Variants in RGS8 observed in about 807,000 individuals in gnomAD.
RGS8 encodes the protein regulator of G-protein signaling 8.
In RGS8, 8 loss-of-function variants were observed where a neutral mutation model predicts 21.7. That is an observed-to-expected ratio of 0.37 (90% confidence interval 0.22 to 0.66). RGS8 has a LOEUF of 0.66. RGS8 is among the 30% of genes least tolerant of loss of function. The pLI, the probability that RGS8 is intolerant of heterozygous loss-of-function variation, is 0.59. For missense variants in RGS8, 157 were observed against 217.9 expected (o/e 0.72, Z 1.76); for synonymous variants, 80 against 83.6 (o/e 0.96, Z 0.24).
chr1:182,691,607 T>TA, the RGS8 span, among the ~76,000 whole-genome samples: 1,027 of 27,292 alleles, frequency 0.038, 68 homozygotes, highest in South Asian at 0.047. Context: ...CCCTTCATGT[T>TA]AAAAAAAAAA....
intron 5 of RGS8, among the ~76,000 whole-genome samples, chr1:182,649,502 TTA>T (rs142393492): frequency 0.041 from 6,185 of 152,318 alleles, 207 homozygotes; most frequent in East Asian, 0.13. Flanking sequence ...GCCTATCAAA[TTA>T]TGTTTTAATT....
intron 3 of RGS8, among the ~76,000 whole-genome samples, chr1:182,667,486 C>T (rs182572578): frequency 1.3e-5 from 2 of 152,316 alleles, no homozygotes; most frequent in African/African-American, 4.8e-5. Flanking sequence ...AACTCAAGTT[C>T]TCCCCACTCA....
chr1:182,681,485 C>T (rs1664532943), intron 1 of RGS8, among the ~76,000 whole-genome samples: 1 of 152,216 alleles, frequency 6.6e-6, no homozygotes, highest in Non-Finnish European at 1.5e-5. Context: ...CATGTCCTCA[C>T]TCCTAGCTCC....
chr1:182,705,560 C>G, the RGS8 span, among the ~76,000 whole-genome samples: 3 of 135,542 alleles, frequency 2.2e-5, no homozygotes, highest in African/African-American at 5.7e-5. Context: ...TTATCTAGAA[C>G]ATGCAGCATT....
chr1:182,651,274 T>G (rs1663000360), intron 5 of RGS8, among the ~76,000 whole-genome samples: 1 of 152,228 alleles, frequency 6.6e-6, no homozygotes, highest in Non-Finnish European at 1.5e-5. Flanking sequence ...AAACCCATCA[T>G]AGATTGAAAA....
At chr1:182,722,360 T>C in the RGS8 span, among the ~76,000 whole-genome samples, 1 of 41,078 alleles carries the variant, frequency 2.4e-5, no homozygotes, top group Admixed American at 3.1e-4. Context: ...CATAGCAAAT[T>C]ACCAAAAAAA....
At chr1:182,671,820 A>G in intron 1 of RGS8, 90 bp from the exon 3 acceptor site, 2 of 1,603,682 alleles carry the variant, frequency 1.2e-6, no homozygotes, top group Non-Finnish European at 1.7e-6. Flanking sequence ...ACACACACAC[A>G]TATACACACA....
the RGS8 span, among the ~76,000 whole-genome samples, chr1:182,727,066 G>C: frequency 7.2e-5 from 11 of 152,132 alleles, no homozygotes; most frequent in Non-Finnish European, 1.6e-4. Flanking sequence ...AGTAACTGAT[G>C]ATAAGAACTT....
At chr1:182,661,153 C>T (rs1386695321) in intron 5 of RGS8, among the ~76,000 whole-genome samples, 7 of 151,544 alleles carry the variant, frequency 4.6e-5, no homozygotes, top group African/African-American at 1.7e-4. Context: ...TTTTATATCT[C>T]AACCATTATC....
chr1:182,669,859 C>T (rs1224536532), intron 2 of RGS8, 107 bp from the exon 4 acceptor site: 2 of 1,220,064 alleles, frequency 1.6e-6, no homozygotes, highest in Non-Finnish European at 2.2e-6. Flanking sequence ...CCACACACAT[C>T]CCCCCAGCCC....
chr1:182,742,708 C>G, the RGS8 span, among the ~76,000 whole-genome samples: 1 of 151,844 alleles, frequency 6.6e-6, no homozygotes, highest in African/African-American at 2.4e-5. Flanking sequence ...AGCTTTGGCT[C>G]GGCATCAGAG....
chr1:182,702,022 T>A, the RGS8 span, among the ~76,000 whole-genome samples: 1 of 152,110 alleles, frequency 6.6e-6, no homozygotes, highest in Non-Finnish European at 1.5e-5. Context: ...TGGAAAGCAG[T>A]TTGGAGGTTT....
the RGS8 span, among the ~76,000 whole-genome samples, chr1:182,741,525 G>C: frequency 7.6e-6 from 1 of 131,700 alleles, no homozygotes; most frequent in Admixed American, 7.1e-5. Context: ...CCTCCCGGAC[G>C]GGGCGGCTGG....
At chr1:182,649,513 T>A (rs1662892528) in intron 5 of RGS8, among the ~76,000 whole-genome samples, 1 of 152,238 alleles carries the variant, frequency 6.6e-6, no homozygotes, top group African/African-American at 2.4e-5. Context: ...TATGTTTTAA[T>A]TAAGATTGAT....
chr1:182,722,363 CAAAA>C, the RGS8 span, among the ~76,000 whole-genome samples: 4 of 79,406 alleles, frequency 5.0e-5, no homozygotes, highest in African/African-American at 2.0e-4. Context: ...AGCAAATTAC[CAAAA>C]AAAAAAAAAA....
chr1:182,660,839 A>T (rs1410535682), intron 5 of RGS8, among the ~76,000 whole-genome samples: 2 of 151,802 alleles, frequency 1.3e-5, no homozygotes, highest in Non-Finnish European at 2.9e-5. Flanking sequence ...AGGGATCCTG[A>T]TTCAGTAGGT....
At chr1:182,740,600 A>T in the RGS8 span, among the ~76,000 whole-genome samples, 1 of 103,830 alleles carries the variant, frequency 9.6e-6, no homozygotes, top group African/African-American at 4.1e-5. Context: ...TGTTTCTCGC[A>T]GAGGGGGATT....
chr1:182,653,595 G>A (rs533677422), intron 5 of RGS8, among the ~76,000 whole-genome samples: 1 of 152,300 alleles, frequency 6.6e-6, no homozygotes, highest in African/African-American at 2.4e-5. Context: ...TCAGGAGGCT[G>A]AGGCAGGAGA....
At chr1:182,741,371 A>C in the RGS8 span, among the ~76,000 whole-genome samples, 16 of 69,262 alleles carry the variant, frequency 2.3e-4, no homozygotes, top group South Asian at 5.4e-4. Flanking sequence ...TGAACCCCCC[A>C]CCTCCCTCCC....
Sources: allele counts gnomAD v4.1 joint callset (sites outside exome capture counted in the v4.1 genomes callset), GRCh38; gene constraint gnomAD v4.1.1; transcripts MANE v1.5; gene names NCBI Gene and HGNC (gene_info 2026-07-23, HGNC 2026-07-21).